Variants in ITPK1 observed in about 807,000 individuals in gnomAD.
ITPK1 encodes the protein inositol-tetrakisphosphate 1-kinase, also known as inositol 1,3,4-trisphosphate 5/6-kinase.
A neutral mutation model predicts 45.3 loss-of-function variants in ITPK1; 21 were observed. That is an observed-to-expected ratio of 0.46 (90% confidence interval 0.33 to 0.67). The LOEUF is 0.67. Ranked by LOEUF, ITPK1 falls within the 30% of genes least tolerant of loss-of-function variation. ITPK1 has a pLI of 0.02. For missense variants in ITPK1, 474 were observed against 573.5 expected, an observed-to-expected ratio of 0.83 and a Z score of 1.77; for synonymous variants, 258 against 253.6, an observed-to-expected ratio of 1.02 and a Z score of -0.16.
chr14:93,066,325 T>G (rs1458617205), intron 3 of ITPK1: 26 of 447,070 alleles, frequency 5.8e-5, no homozygotes, highest in Non-Finnish European at 1.1e-4. Flanking sequence ...TGTGTATGTG[T>G]GTGTGTGTGT....
At position 93,034,375 on chromosome 14, in the gene ITPK1, A is replaced by T. The variant is rs4905038; in HGVS notation, c.121-17574T>A. Among the ~76,000 whole-genome samples, 733 of 152,020 alleles carry T rather than the reference A, an allele frequency of 4.8e-3. 6 individuals carry two copies. Among genetic ancestry groups the T allele is most frequent in the Middle Eastern group, 0.01 (3 of 294 alleles). On this transcript the variant is annotated intron_variant, in intron 3 of 10. Transcript: ENST00000267615. This position sits in a 1 kb window ranked among gnomAD's most constrained non-coding sequence, Gnocchi z 4.1. ...TGCAAAAAGGCTCCTGAGTCTCTTG[A>T]TTCTGACCCAGAAAACTCTTCTGGG...
At chr14:93,050,977 G>A (rs1322396387) in intron 3 of ITPK1, among the ~76,000 whole-genome samples, 1 of 152,134 alleles carries the variant, frequency 6.6e-6, no homozygotes, top group Non-Finnish European at 1.5e-5. Context: ...CCACTAAACT[G>A]GAAGCTCCTT....
intron 5 of ITPK1, among the ~76,000 whole-genome samples, chr14:92,964,716 C>T (rs1203728720): frequency 1.3e-5 from 2 of 152,186 alleles, no homozygotes; most frequent in South Asian, 2.1e-4. Flanking sequence ...TCAAACAGGC[C>T]ACCTCCTGGA....
chr14:92,982,815 G>T (rs1053904863), intron 5 of ITPK1, among the ~76,000 whole-genome samples: 1 of 152,180 alleles, frequency 6.6e-6, no homozygotes, highest in Admixed American at 6.5e-5. Context: ...GGGGCATTTC[G>T]CCAGTGGCCA....
intron 9 of ITPK1, among the ~76,000 whole-genome samples, chr14:92,950,104 G>A (rs917224554): frequency 3.3e-5 from 5 of 152,250 alleles, no homozygotes; most frequent in East Asian, 1.9e-4. Context: ...AGGCAGTCCC[G>A]TCAGAGTCTG....
chr14:93,004,636 G>A (rs964211462), intron 4 of ITPK1, among the ~76,000 whole-genome samples: 20 of 152,070 alleles, frequency 1.3e-4, no homozygotes, highest in Non-Finnish European at 2.9e-4. Flanking sequence ...GTGTGCGTGC[G>A]TGTGTGGTGA....
rs529513758 is a variant in ITPK1 at position 92,945,630 on chromosome 14, T to C, written c.901+701A>G. On this transcript the variant is annotated intron_variant, in intron 10 of 10. Coordinates refer to ENST00000267615, the MANE Select transcript of ITPK1 (RefSeq NM_014216.6). ...AGGTAAACAAGCCACTGAGCCTTGG[T>C]GTCCCCAGGGCGAGGCACGCAGCCT... 2.0e-5 allele frequency among the ~76,000 whole-genome samples: 3 copies of C among 152,312 alleles called. No homozygotes were observed. The East Asian group carries it at 5.8e-4, about 29-fold the overall frequency.
rs1311742994 is a variant in ITPK1, at chr14:93,067,227, G to A, written c.120+9368C>T. On this transcript the variant is annotated intron_variant, in intron 3 of 10. Transcript: ENST00000267615. ...CCTGGCACGCTCCACTGAGGCCACGGAATTCTTGACATTTGACAGCCAAGC... is the reference window on the plus strand; with the variant it reads ...CCTGGCACGCTCCACTGAGGCCACGAAATTCTTGACATTTGACAGCCAAGC... Among the ~76,000 whole-genome samples the A allele has an allele frequency of 2.0e-5, 3 of 152,108 alleles. No homozygotes were observed. The East Asian group carries it at 5.8e-4, about 29-fold the overall frequency.
chr14:93,076,616 C>T lies in ITPK1; in HGVS notation c.99G>A (p.Lys33=), dbSNP rs754168769. 2.5e-6 allele frequency: 4 copies of T among 1,614,198 alleles called. No homozygotes were observed. The highest frequency in any genetic ancestry group is 3.4e-6 in the Non-Finnish European group (4 of 1,180,030). Reference sequence around the variant, plus strand: ...TCACCTGCACAACCTCCATCCCTCGCTTCCTGTGGAGAAAAACAAAGAAAA... The same window carrying T: ...TCACCTGCACAACCTCCATCCCTCGTTTCCTGTGGAGAAAAACAAAGAAAA... ...NFQAFAELCR[K]RGMEVVQLNL... The change falls in exon 3 of 11, where the codon AAG becomes AAA. Residue 33 remains lysine, a synonymous_variant. Transcript: ENST00000267615. The surrounding 1 kb of genome is among the most constrained non-coding windows in gnomAD (Gnocchi z 4.3).
intron 8 of ITPK1, among the ~76,000 whole-genome samples, chr14:92,957,884 G>A (rs12894234): frequency 0.1 from 15,267 of 152,252 alleles, 820 homozygotes; most frequent in South Asian, 0.22. Context: ...GTCCCAGCGT[G>A]TTCCTCCATG....
At chr14:92,962,214 G>A (rs1326687686) in intron 7 of ITPK1, 141 bp downstream of exon 7, 6 of 724,810 alleles carry the variant, frequency 8.3e-6, no homozygotes, top group Admixed American at 5.9e-5. Context: ...CCAGGGAAGG[G>A]AAGGAGGCTA....
intron 3 of ITPK1, chr14:93,068,071 C>T (rs1890833869): frequency 6.5e-6 from 1 of 153,018 alleles, no homozygotes; most frequent in Non-Finnish European, 1.5e-5. Flanking sequence ...AGCCCAGTTT[C>T]ATCTGTAGCT....
intron 3 of ITPK1, among the ~76,000 whole-genome samples, chr14:93,058,368 G>C (rs1182920249): frequency 7.1e-6 from 1 of 141,672 alleles, no homozygotes; most frequent in Non-Finnish European, 1.5e-5. Context: ...GGTCCACAGG[G>C]TCATAAGGCA....
intron 4 of ITPK1, among the ~76,000 whole-genome samples, chr14:92,995,124 C>A (rs1432195429): frequency 6.6e-6 from 1 of 152,216 alleles, no homozygotes; most frequent in Admixed American, 6.5e-5. Flanking sequence ...CCGGAGGGAG[C>A]CACTGCTGAC....
Position 93,076,675 on chromosome 14 carries a change from T to C in ITPK1, c.96-56A>G. ...ACTCCAGCAGGCTGGACACGTCCTT[T>C]CCGAAGGTTCCCGACAGCCGGCTGA... On this transcript the variant is annotated intron_variant, in intron 2 of 10. Transcript: ENST00000267615. This position sits in a 1 kb window ranked among gnomAD's most constrained non-coding sequence, Gnocchi z 4.3. 1 of 1,611,838 alleles carries C rather than the reference T, an allele frequency of 6.2e-7. No individual in the cohort carries two copies.
chr14:92,946,243 T>G, intron 10 of ITPK1, 88 bp downstream of exon 10: 1 of 1,480,042 alleles, frequency 6.8e-7, no homozygotes, highest in South Asian at 1.2e-5. Flanking sequence ...GCTGGCTTTC[T>G]GGCCTCAGTC....
In ITPK1 at chr14:93,016,942, G is replaced by A. The variant is rs868445861; in HGVS notation, c.121-141C>T. ...ACTCTGGAGATGGGGCAGGAGGAGG[G>A]CTGACATGGAAAATACAGACAGGAC... On this transcript the variant is annotated intron_variant, in intron 3 of 10. Transcript: ENST00000267615. This position sits in a 1 kb window ranked among gnomAD's most constrained non-coding sequence, Gnocchi z 5.0. The A allele has an allele frequency of 3.8e-5, 42 of 1,094,162 alleles. No individual in the cohort carries two copies. The Middle Eastern group carries it at 6.2e-4, about 16-fold the overall frequency. 67.8% of individuals were successfully genotyped at this position (1,094,162 alleles called of 1,614,324 possible).
At chr14:93,060,560 A>G (rs986053075) in intron 3 of ITPK1, among the ~76,000 whole-genome samples, 10 of 152,092 alleles carry the variant, frequency 6.6e-5, no homozygotes, top group African/African-American at 2.2e-4. Context: ...AATGGAGGGG[A>G]CCCTGCTCTG....
chr14:92,953,294 G>A (rs1420420288), intron 8 of ITPK1, among the ~76,000 whole-genome samples: 1 of 152,270 alleles, frequency 6.6e-6, no homozygotes, highest in Non-Finnish European at 1.5e-5. Context: ...CTGCCCTGGT[G>A]TGCCCGACAG....
Sources: gnomAD v4.1 joint callset for allele counts (sites outside exome capture counted in the v4.1 genomes callset) on GRCh38, gnomAD v4.1.1 for gene constraint, Gnocchi (gnomAD v3.1) non-coding constraint, MANE v1.5 for transcripts, NCBI Gene and HGNC (gene_info 2026-07-23, HGNC 2026-07-21) for gene names.